INSL6: variants seen among roughly 807,000 people sequenced by gnomAD.
The protein encoded by INSL6 is insulin like 6.
In INSL6, 16 loss-of-function variants were observed where a neutral mutation model predicts 9.4. The observed-to-expected ratio is 1.70, with a 90% CI of 1.15 to 2.59. INSL6 has a LOEUF of 2.59. Among genes scored for constraint, INSL6 ranks in the 30% most tolerant of loss-of-function variants. INSL6 has a pLI of 0.00. For synonymous variants in INSL6, 154 were observed against 96.9 expected, an observed-to-expected ratio of 1.59 and a Z score of -3.46; for missense variants, 391 against 257.3, an observed-to-expected ratio of 1.52 and a Z score of -3.56.
rs1366053373 is a variant in INSL6, at chr9:5,171,333, T to G, written c.290-7068A>C. On this transcript the variant is annotated intron_variant, in intron 1 of 1. Transcript: ENST00000381641. ...CAATAAATCAGGTGTTGATGGAGCA[T>G]ACCTCAAAATAATAGCCATTTATGA... is the stretch of plus-strand genomic sequence containing the variant. Among the ~76,000 whole-genome samples the G allele has an allele frequency of 2.0e-5, 3 of 152,292 alleles. No homozygotes were observed. In the East Asian group the frequency reaches 5.8e-4, roughly 29 times the overall value.
chr9:5,080,892 CTTTTTTTTTTTT>C, the INSL6 span, among the ~76,000 whole-genome samples: 1 of 95,616 alleles, frequency 1.0e-5, no homozygotes, highest in African/African-American at 4.6e-5. Flanking sequence ...AAGACCTTTT[CTTTTTTTTTTTT>C]TTTTTTTTTG....
At chr9:5,132,728 C>T (rs1824315364) in intron 3 of INSL6, 3 of 152,246 alleles carry the variant, frequency 2.0e-5, no homozygotes, top group African/African-American at 4.8e-5. Flanking sequence ...AGTCCTAAAT[C>T]TTGTTCAACA....
the INSL6 span, among the ~76,000 whole-genome samples, chr9:5,033,320 G>A: frequency 6.6e-6 from 1 of 152,288 alleles, no homozygotes; most frequent in African/African-American, 2.4e-5. Flanking sequence ...CACTCTGCAG[G>A]ATATTATCCA....
chr9:5,046,206 G>A, the INSL6 span, among the ~76,000 whole-genome samples: 4 of 152,002 alleles, frequency 2.6e-5, no homozygotes, highest in African/African-American at 9.7e-5. Flanking sequence ...TTGGCTATTT[G>A]TTTATCTTCT....
the INSL6 span, chr9:5,114,172 C>A: frequency 2.3e-6 from 1 of 429,242 alleles, no homozygotes. Flanking sequence ...TGTGCAGATT[C>A]TAACCCGCAA....
chr9:5,142,431 T>C (rs1307553063), intron 2 of INSL6, among the ~76,000 whole-genome samples: 2 of 149,380 alleles, frequency 1.3e-5, no homozygotes, highest in African/African-American at 4.9e-5. Context: ...TCTTTCATTT[T>C]CTTAGTTAAC....
the INSL6 span, chr9:5,041,227 G>A: frequency 5.2e-5 from 76 of 1,463,940 alleles, no homozygotes; most frequent in Non-Finnish European, 7.1e-5. Flanking sequence ...TGGGGCGCCC[G>A]GGGACCAAGC....
the INSL6 span, among the ~76,000 whole-genome samples, chr9:5,048,519 A>G: frequency 6.6e-6 from 1 of 152,188 alleles, no homozygotes; most frequent in Admixed American, 6.5e-5. Flanking sequence ...CTACTTAAAC[A>G]GTATAACTTA....
At chr9:5,049,403 C>A in the INSL6 span, among the ~76,000 whole-genome samples, 1 of 152,204 alleles carries the variant, frequency 6.6e-6, no homozygotes. Context: ...CTGAACATAT[C>A]TGGTGCTTTT....
At chr9:5,073,864 C>G in the INSL6 span, 2 of 893,564 alleles carry the variant, frequency 2.2e-6, no homozygotes, top group Non-Finnish European at 3.6e-6. Flanking sequence ...GTTTCAGGAT[C>G]ACAGCTAGGT....
the INSL6 span, chr9:5,021,942 C>A: frequency 6.9e-7 from 1 of 1,455,740 alleles, no homozygotes; most frequent in Non-Finnish European, 9.6e-7. Flanking sequence ...CCATTTGTAA[C>A]TTTATTGTTT....
chr9:5,058,559 A>G, the INSL6 span, among the ~76,000 whole-genome samples: 2 of 152,176 alleles, frequency 1.3e-5, no homozygotes, highest in African/African-American at 2.4e-5. Context: ...GAGCCAAACC[A>G]TGTCATACCT....
At position 5,185,496 on chromosome 9, in the gene INSL6, T is replaced by G; in HGVS notation, c.107A>C (p.Tyr36Ser). The change falls in exon 1 of 2, where the codon TAC (tyrosine) becomes TCC (serine). Residue 36 changes from tyrosine (Y) to serine (S), a missense_variant. Tyr to Ser is a moderately radical substitution (Grantham distance 144, BLOSUM62 -2). Transcript: ENST00000381641. Reference protein sequence around the residue: ...ISSARKLCGRYLVKEIEKLCG... With the variant: ...ISSARKLCGRSLVKEIEKLCG... ...GAGTTTTTCTATTTCTTTCACCAAG[T>G]ACCTGCCGCACAGCTTCCTGGCACT... 2 of 1,614,180 alleles carry G rather than the reference T, an allele frequency of 1.2e-6. No individual in the cohort carries two copies. Among genetic ancestry groups the G allele is most frequent in the Non-Finnish European group, 1.7e-6 (2 of 1,180,026 alleles).
At chr9:5,111,078 A>T in the INSL6 span, 1 of 1,219,382 alleles carries the variant, frequency 8.2e-7, no homozygotes, top group Non-Finnish European at 1.2e-6. Flanking sequence ...GGCCCAGCTC[A>T]GGCTCCTGGG....
the INSL6 span, among the ~76,000 whole-genome samples, chr9:5,064,380 AT>A: frequency 1.3e-5 from 2 of 151,940 alleles, no homozygotes; most frequent in South Asian, 2.1e-4. Context: ...AAATACAAAA[AT>A]TAGCTGGGCA....
chr9:5,173,419 C>T (rs1023679319), intron 1 of INSL6, among the ~76,000 whole-genome samples: 2 of 152,176 alleles, frequency 1.3e-5, no homozygotes, highest in African/African-American at 4.8e-5. Context: ...CCATGGAATA[C>T]TATGTAGCCA....
At chr9:5,127,047 A>T in intron 3 of INSL6, 1 of 278,932 alleles carries the variant, frequency 3.6e-6, no homozygotes, top group Non-Finnish European at 6.8e-6. Flanking sequence ...AGTTAACATC[A>T]CTCTTGTCTG....
At chr9:5,134,405 T>C (rs374894171) in intron 2 of INSL6, among the ~76,000 whole-genome samples, 4 of 151,830 alleles carry the variant, frequency 2.6e-5, no homozygotes, top group South Asian at 2.1e-4. Context: ...TTCACCAAGG[T>C]TGAAATGAAG....
the INSL6 span, chr9:5,086,218 C>T: frequency 1.7e-6 from 1 of 604,388 alleles, no homozygotes; most frequent in Non-Finnish European, 2.1e-6. Context: ...AGCGCGAGGC[C>T]ACGGTCGGAG....
Sources: allele counts gnomAD v4.1 joint callset (sites outside exome capture counted in the v4.1 genomes callset), GRCh38; gene constraint gnomAD v4.1.1; transcripts MANE v1.5; gene names NCBI Gene and HGNC (gene_info 2026-07-23, HGNC 2026-07-21).